The following MTA3 variants were observed in gnomAD, a reference collection of about 807,000 sequenced individuals.
MTA3 encodes metastasis-associated protein MTA3.
In MTA3, 34 loss-of-function variants were observed where a neutral mutation model predicts 83.5. The observed-to-expected ratio is 0.41, with a 90% confidence interval of 0.31 to 0.54. MTA3 has a LOEUF of 0.54. Ranked by LOEUF, MTA3 falls within the 20% of genes least tolerant of loss-of-function variation. MTA3 has a pLI of 0.33. For synonymous variants in MTA3, 303 were observed against 252.7 expected (o/e 1.20, Z -1.89); for missense variants, 761 against 726.4 (o/e 1.05, Z -0.55).
chr2:42,593,672 A>G (rs1035482164), intron 3 of MTA3, among the ~76,000 whole-genome samples: 14 of 149,924 alleles, frequency 9.3e-5, no homozygotes, highest in South Asian at 2.1e-4. Context: ...TCGGAGGACT[A>G]TGGCATCTAT....
At chr2:42,549,675 A>ATATATAATATATTATATATACATAT (rs1677024729) in intron 2 of MTA3, among the ~76,000 whole-genome samples, 1 of 128,302 alleles carries the variant, frequency 7.8e-6, no homozygotes, top group Non-Finnish European at 1.6e-5. Context: ...TACATATATA[A>ATATATAATATATTATATATACATAT]TATATAATAT....
At chr2:42,626,144 A>C (rs7561483) in intron 4 of MTA3, among the ~76,000 whole-genome samples, 56,623 of 149,744 alleles carry the variant, frequency 0.38, 10,967 homozygotes, top group South Asian at 0.47. Context: ...GGGGTTTCAC[A>C]GTGTTAGCCA....
chr2:42,722,817 A>G, intron 15 of MTA3, 72 bp from the exon 16 acceptor site: 2 of 1,498,030 alleles, frequency 1.3e-6, no homozygotes, highest in Non-Finnish European at 1.8e-6. Context: ...ATGTGTGCCT[A>G]TTAGCCAATG....
intron 2 of MTA3, among the ~76,000 whole-genome samples, chr2:42,578,619 TG>T (rs1286633085): frequency 6.6e-6 from 1 of 152,188 alleles, no homozygotes; most frequent in Admixed American, 6.5e-5. Context: ...CCATGGAACA[TG>T]GGATACTTAG....
intron 8 of MTA3, among the ~76,000 whole-genome samples, chr2:42,681,621 TC>T (rs1691920579): frequency 6.6e-6 from 1 of 152,148 alleles, no homozygotes; most frequent in Non-Finnish European, 1.5e-5. Context: ...CAAGCATTCC[TC>T]CCACCCCAGC....
intron 16 of MTA3, among the ~76,000 whole-genome samples, chr2:42,741,113 T>A (rs1194424658): frequency 6.6e-6 from 1 of 152,228 alleles, no homozygotes; most frequent in African/African-American, 2.4e-5. Context: ...CACTTTTATG[T>A]TTATGGTGAT....
Position 42,708,008 on chromosome 2 carries a change from C to T in MTA3, c.1256C>T (p.Pro419Leu). The change falls in exon 13 of 17, where the codon CCC becomes CTC. Residue 419 changes from proline to leucine, a missense_variant. By Grantham distance (98) the Pro-to-Leu change is moderately conservative (BLOSUM62 -3). Coordinates refer to ENST00000405094, the MANE Select transcript of MTA3 (RefSeq NM_001330442.2). ...AAAAAATATGGAGGCTTGAAAATGC[C>T]CACCCAGTCAGAAGAAGAGAAGTTA... Reference protein sequence around the residue: ...YWKKYGGLKMPTQSEEEKLSP... With the variant: ...YWKKYGGLKMLTQSEEEKLSP... 1 of 1,613,486 alleles carries T rather than the reference C, an allele frequency of 6.2e-7. No individual in the cohort carries two copies. The highest frequency in any genetic ancestry group is 8.5e-7 in the Non-Finnish European group (1 of 1,179,780).
intron 15 of MTA3, among the ~76,000 whole-genome samples, chr2:42,719,892 GT>G (rs1304891246): frequency 8.5e-5 from 13 of 152,210 alleles, no homozygotes; most frequent in Non-Finnish European, 1.6e-4. Flanking sequence ...CAAAATAATG[GT>G]TTTTCACATA....
chr2:42,723,142 A>G, intron 16 of MTA3, 107 bp downstream of exon 16: 3 of 1,294,552 alleles, frequency 2.3e-6, no homozygotes, highest in Non-Finnish European at 3.2e-6. Context: ...CTTGTATTCC[A>G]TGATTGAAGT....
chr2:42,536,198 G>A (rs968028146), intron 2 of MTA3, among the ~76,000 whole-genome samples: 5 of 151,882 alleles, frequency 3.3e-5, no homozygotes, highest in Non-Finnish European at 5.9e-5. Context: ...GTTAGGCTGG[G>A]CGCAGTTGCT....
At chr2:42,629,499 A>AG (rs1686463364) in intron 4 of MTA3, among the ~76,000 whole-genome samples, 2 of 152,294 alleles carry the variant, frequency 1.3e-5, no homozygotes, top group Admixed American at 1.3e-4. Context: ...CACTGAGCAC[A>AG]GCCAGTCAGT....
At chr2:42,698,044 G>C (rs1188899041) in intron 11 of MTA3, among the ~76,000 whole-genome samples, 1 of 152,158 alleles carries the variant, frequency 6.6e-6, no homozygotes, top group East Asian at 1.9e-4. Context: ...AGGAAGAAAT[G>C]TACTATGTAC....
intron 4 of MTA3, among the ~76,000 whole-genome samples, chr2:42,637,279 T>C (rs767139990): frequency 6.6e-6 from 1 of 152,218 alleles, no homozygotes; most frequent in Non-Finnish European, 1.5e-5. Flanking sequence ...GGAGTGATCT[T>C]TGTGTTGTGG....
At chr2:42,536,012 C>G (rs755638292) in intron 2 of MTA3, among the ~76,000 whole-genome samples, 1 of 149,522 alleles carries the variant, frequency 6.7e-6, no homozygotes, top group Non-Finnish European at 1.5e-5. Context: ...CACAGCTACT[C>G]AGGAAGTTGA....
At chr2:42,668,001 C>T (rs1281024643) in intron 8 of MTA3, among the ~76,000 whole-genome samples, 3 of 152,288 alleles carry the variant, frequency 2.0e-5, no homozygotes, top group South Asian at 4.1e-4. Context: ...TGTAGCCCGG[C>T]GCAAGTTACT....
intron 2 of MTA3, among the ~76,000 whole-genome samples, chr2:42,516,254 C>T (rs913059656): frequency 6.6e-6 from 1 of 151,986 alleles, no homozygotes; most frequent in African/African-American, 2.4e-5. Context: ...AAAGCTCAGT[C>T]AATATTAAAG....
chr2:42,499,626 C>A (rs1234419522), intron 2 of MTA3, among the ~76,000 whole-genome samples: 1 of 151,008 alleles, frequency 6.6e-6, no homozygotes, highest in South Asian at 2.1e-4. Context: ...CCCGTCTCTA[C>A]TAAAAATACA....
At chr2:42,683,863 C>A (rs1478599938) in intron 9 of MTA3, among the ~76,000 whole-genome samples, 1 of 152,140 alleles carries the variant, frequency 6.6e-6, no homozygotes, top group East Asian at 1.9e-4. Flanking sequence ...CAGCCCAGTT[C>A]CTAACCAGTC....
At chr2:42,635,974 C>A (rs529693402) in intron 4 of MTA3, among the ~76,000 whole-genome samples, 18 of 152,070 alleles carry the variant, frequency 1.2e-4, no homozygotes, top group Non-Finnish European at 2.6e-4. Context: ...CCATGTTGCC[C>A]AGGCTGGTCT....
Sources: allele counts gnomAD v4.1 joint callset (sites outside exome capture counted in the v4.1 genomes callset), GRCh38; gene constraint gnomAD v4.1.1; transcripts MANE v1.5; gene names NCBI Gene and HGNC (gene_info 2026-07-23, HGNC 2026-07-21).